RSRC1: variants seen among roughly 807,000 people sequenced by gnomAD.
RSRC1 encodes the protein serine/Arginine-related protein 53.
RSRC1 carries 39 observed loss-of-function variants against 49.1 expected under a neutral mutation model. The ratio of observed to expected loss-of-function variants is 0.79; its 90% confidence interval spans 0.61 to 1.04. The LOEUF (loss-of-function observed/expected upper bound fraction) is 1.04. Ranked by LOEUF, RSRC1 falls within the 50% of genes least tolerant of loss-of-function variation. The pLI is 0.00. For synonymous variants in RSRC1, 143 were observed against 130.8 expected (o/e 1.09, Z -0.63); for missense variants, 388 against 402.4 (o/e 0.96, Z 0.31).
intron 3 of RSRC1, among the ~76,000 whole-genome samples, chr3:158,134,741 C>G (rs1333652689): frequency 6.6e-6 from 1 of 152,016 alleles, no homozygotes. Flanking sequence ...TCTAAGAGTT[C>G]TATATCTAAC....
At chr3:158,235,844 G>A (rs918286028) in intron 4 of RSRC1, among the ~76,000 whole-genome samples, 1 of 152,208 alleles carries the variant, frequency 6.6e-6, no homozygotes, top group Non-Finnish European at 1.5e-5. Flanking sequence ...CAGGCCAGGG[G>A]CGGTGGCTCA....
At chr3:158,191,800 G>A (rs1720260506) in intron 3 of RSRC1, among the ~76,000 whole-genome samples, 1 of 151,888 alleles carries the variant, frequency 6.6e-6, no homozygotes, top group South Asian at 2.1e-4. Flanking sequence ...TGTTTGTTTG[G>A]TCTGGGTAGG....
At chr3:158,275,333 C>A (rs949873076) in intron 4 of RSRC1, among the ~76,000 whole-genome samples, 1 of 152,124 alleles carries the variant, frequency 6.6e-6, no homozygotes, top group Non-Finnish European at 1.5e-5. Flanking sequence ...TAAATATAAT[C>A]ATGACATAGT....
intron 6 of RSRC1, among the ~76,000 whole-genome samples, chr3:158,409,121 T>G (rs1734297300): frequency 6.6e-6 from 1 of 151,852 alleles, no homozygotes; most frequent in Admixed American, 6.6e-5. Context: ...CAGCACACAC[T>G]GGGGCCTATT....
chr3:158,258,168 T>G (rs1724676712), intron 4 of RSRC1, among the ~76,000 whole-genome samples: 1 of 151,282 alleles, frequency 6.6e-6, no homozygotes, highest in Non-Finnish European at 1.5e-5. Flanking sequence ...CTTATGCTCA[T>G]TAATGCCCTT....
intron 3 of RSRC1, among the ~76,000 whole-genome samples, chr3:158,186,162 C>T (rs1017744601): frequency 1.3e-5 from 2 of 151,902 alleles, no homozygotes; most frequent in Non-Finnish European, 2.9e-5. Context: ...TTTAGATCTT[C>T]TGTCACTTCA....
intron 3 of RSRC1, among the ~76,000 whole-genome samples, chr3:158,149,017 C>T (rs902475925): frequency 2.6e-5 from 4 of 152,170 alleles, no homozygotes; most frequent in Admixed American, 2.6e-4. Context: ...CTCCTGACCT[C>T]AGGTGATCCA....
chr3:158,242,032 CTTT>C (rs34356543), intron 4 of RSRC1, among the ~76,000 whole-genome samples: 981 of 66,528 alleles, frequency 0.015, 4 homozygotes, highest in African/African-American at 0.062. Flanking sequence ...AATTTCCAAC[CTTT>C]TTTTTTTTTT....
intron 4 of RSRC1, among the ~76,000 whole-genome samples, chr3:158,262,618 TA>T (rs1208146092): frequency 6.6e-6 from 1 of 152,146 alleles, no homozygotes; most frequent in African/African-American, 2.4e-5. Context: ...TGATTTTTAT[TA>T]GGATTGAATT....
intron 4 of RSRC1, among the ~76,000 whole-genome samples, chr3:158,209,071 G>C (rs1721513409): frequency 6.6e-6 from 1 of 152,156 alleles, no homozygotes; most frequent in South Asian, 2.1e-4. Context: ...CTTAAAAGGG[G>C]AATTTGGATG....
At chr3:158,125,895 T>C (rs1715593869) in intron 3 of RSRC1, among the ~76,000 whole-genome samples, 1 of 152,206 alleles carries the variant, frequency 6.6e-6, no homozygotes. Context: ...TGGTGTTAGG[T>C]GCATATATAT....
At chr3:158,259,861 C>T (rs1017555484) in intron 4 of RSRC1, among the ~76,000 whole-genome samples, 4 of 152,170 alleles carry the variant, frequency 2.6e-5, no homozygotes, top group Admixed American at 6.5e-5. Flanking sequence ...GCCTCACTGC[C>T]GCAGGGCTGT....
intron 4 of RSRC1, among the ~76,000 whole-genome samples, chr3:158,244,112 G>GT (rs1273410491): frequency 6.6e-6 from 1 of 151,910 alleles, no homozygotes; most frequent in Non-Finnish European, 1.5e-5. Flanking sequence ...TGAATGTCCT[G>GT]TATTTCTTTC....
chr3:158,315,798 T>A (rs1728395725), intron 5 of RSRC1, among the ~76,000 whole-genome samples: 1 of 152,176 alleles, frequency 6.6e-6, no homozygotes, highest in African/African-American at 2.4e-5. Flanking sequence ...ACTTTAATTT[T>A]GAAAATATTG....
chr3:158,268,064 T>C (rs569062022), intron 4 of RSRC1, among the ~76,000 whole-genome samples: 1 of 152,228 alleles, frequency 6.6e-6, no homozygotes, highest in East Asian at 1.9e-4. Context: ...CTCTGTGGCA[T>C]AGTCTTTTCT....
chr3:158,276,203 G>A (rs1291618992), intron 4 of RSRC1: 1 of 800,982 alleles, frequency 1.2e-6, no homozygotes, highest in East Asian at 2.4e-5. Flanking sequence ...TAGGAACTGG[G>A]CATTTTCGGC....
chr3:158,318,939 G>A (rs1329792017), intron 5 of RSRC1, among the ~76,000 whole-genome samples: 1 of 152,192 alleles, frequency 6.6e-6, no homozygotes, highest in Non-Finnish European at 1.5e-5. Context: ...AGGGCCTGGG[G>A]CGGGAGCCTG....
intron 7 of RSRC1, among the ~76,000 whole-genome samples, chr3:158,500,965 G>A (rs1485426313): frequency 6.6e-6 from 1 of 151,854 alleles, no homozygotes; most frequent in Non-Finnish European, 1.5e-5. Context: ...GTCAGTTTGT[G>A]CTCTGTCAGT....
intron 4 of RSRC1, among the ~76,000 whole-genome samples, chr3:158,292,835 G>A (rs900137109): frequency 1.3e-5 from 2 of 152,118 alleles, no homozygotes; most frequent in African/African-American, 4.8e-5. Flanking sequence ...GCAACCTTGT[G>A]TGTTAGGTAA....
Sources: gnomAD v4.1 joint callset for allele counts (sites outside exome capture counted in the v4.1 genomes callset) on GRCh38, gnomAD v4.1.1 for gene constraint, MANE v1.5 for transcripts, NCBI Gene and HGNC (gene_info 2026-07-23, HGNC 2026-07-21) for gene names.